NBEA: variants seen among roughly 807,000 people sequenced by gnomAD.
The protein encoded by NBEA is lysosomal-trafficking regulator 2.
In NBEA, 44 loss-of-function variants were observed where a neutral mutation model predicts 343.4. The ratio of observed to expected loss-of-function variants is 0.13; its 90% CI spans 0.10 to 0.16. The LOEUF is 0.16. Ranked by LOEUF, NBEA falls within the 10% of genes least tolerant of loss-of-function variation. NBEA has a pLI of 1.00. For missense variants in NBEA, 2,555 were observed against 3,631.3 expected (o/e 0.70, Z 7.62); for synonymous variants, 1,175 against 1,238.7 (o/e 0.95, Z 1.08).
chr13:35,238,482 G>A (rs1424025311), intron 34 of NBEA, among the ~76,000 whole-genome samples: 1 of 152,142 alleles, frequency 6.6e-6, no homozygotes, highest in Non-Finnish European at 1.5e-5. Flanking sequence ...ACATCTCTTA[G>A]CATAGCACCT....
intron 40 of NBEA, among the ~76,000 whole-genome samples, chr13:35,456,372 A>G (rs954018006): frequency 7.9e-5 from 12 of 152,090 alleles, no homozygotes; most frequent in Non-Finnish European, 2.9e-5. Context: ...ATTATAATAT[A>G]GAAGTATGCC....
intron 41 of NBEA, chr13:35,475,389 G>A (rs2075818271): frequency 1.9e-6 from 3 of 1,613,758 alleles, no homozygotes; most frequent in South Asian, 2.2e-5. Flanking sequence ...GGATGGAGAG[G>A]CACTTCTTTC....
chr13:34,946,230 A>C (rs1037137335), intron 1 of NBEA, among the ~76,000 whole-genome samples: 1 of 152,160 alleles, frequency 6.6e-6, no homozygotes, highest in Non-Finnish European at 1.5e-5. Context: ...GGAATTATTT[A>C]AAGTGGCAAT....
At chr13:35,315,672 G>C (rs1435066047) in intron 36 of NBEA, among the ~76,000 whole-genome samples, 2 of 152,072 alleles carry the variant, frequency 1.3e-5, no homozygotes, top group African/African-American at 4.8e-5. Context: ...CTGAATTTAA[G>C]CTAGAGCTCT....
intron 46 of NBEA, among the ~76,000 whole-genome samples, chr13:35,588,024 C>T (rs1227497957): frequency 6.6e-6 from 1 of 151,942 alleles, no homozygotes; most frequent in East Asian, 1.9e-4. Flanking sequence ...AAAATGTTAT[C>T]ATTTAAACAT....
chr13:35,281,955 C>T lies in NBEA; in HGVS notation c.5777-8434C>T, dbSNP rs571210521. Among the ~76,000 whole-genome samples, 147 of 152,120 alleles carry T rather than the reference C, an allele frequency of 9.7e-4. 1 individual carries two copies. The highest frequency in any genetic ancestry group is 6.8e-3 in the Middle Eastern group (2 of 294). ...TGAGACGGAGTCTTACTCTGTCACC[C>T]AGGCTGGAGTGCAGTGGCCCAGTCT... On this transcript the variant is annotated intron_variant, in intron 34 of 58. Coordinates refer to ENST00000379939, the MANE Select transcript of NBEA (RefSeq NM_001385012.1).
At chr13:35,395,486 A>C (rs1487842800) in intron 38 of NBEA, among the ~76,000 whole-genome samples, 3 of 152,034 alleles carry the variant, frequency 2.0e-5, no homozygotes, top group Non-Finnish European at 4.4e-5. Context: ...TATTTCCTAT[A>C]TAGCCTACAG....
intron 1 of NBEA, among the ~76,000 whole-genome samples, chr13:34,953,055 A>G (rs771384939): frequency 2.6e-5 from 4 of 152,130 alleles, no homozygotes; most frequent in Non-Finnish European, 5.9e-5. Flanking sequence ...TACCTTTGAT[A>G]ATGATGATGA....
chr13:35,137,733 A>C (rs1034232813), intron 17 of NBEA, among the ~76,000 whole-genome samples: 3 of 152,004 alleles, frequency 2.0e-5, no homozygotes, highest in African/African-American at 7.2e-5. Context: ...TAAGTCTTGT[A>C]CTTTCTGTTT....
intron 41 of NBEA, among the ~76,000 whole-genome samples, chr13:35,501,190 C>A (rs969145112): frequency 6.6e-6 from 1 of 152,058 alleles, no homozygotes; most frequent in African/African-American, 2.4e-5. Flanking sequence ...CTTTCAAAAG[C>A]TTTTCAGAAT....
intron 52 of NBEA, among the ~76,000 whole-genome samples, chr13:35,650,480 T>G (rs2084463159): frequency 6.6e-6 from 1 of 152,162 alleles, no homozygotes; most frequent in African/African-American, 2.4e-5. Context: ...GGCAAACATT[T>G]AGACATATTG....
intron 34 of NBEA, among the ~76,000 whole-genome samples, chr13:35,275,045 C>A (rs1249781125): frequency 2.0e-5 from 3 of 152,138 alleles, no homozygotes; most frequent in African/African-American, 7.2e-5. Context: ...TCCTGCATAG[C>A]CAAGACAATC....
intron 34 of NBEA, among the ~76,000 whole-genome samples, chr13:35,265,603 A>C (rs1395864284): frequency 1.3e-5 from 2 of 151,880 alleles, no homozygotes; most frequent in Non-Finnish European, 3.0e-5. Context: ...GCCTAAAAAC[A>C]GTGGAGGTAG....
chr13:35,275,624 C>G (rs937424939), intron 34 of NBEA, among the ~76,000 whole-genome samples: 31 of 152,258 alleles, frequency 2.0e-4, no homozygotes, highest in African/African-American at 7.5e-4. Context: ...GGGCTAATAT[C>G]CAGAATCTAC....
intron 50 of NBEA, among the ~76,000 whole-genome samples, 154 bp from the exon 51 acceptor site, chr13:35,646,105 T>G (rs2153076553): frequency 6.6e-6 from 1 of 152,322 alleles, no homozygotes; most frequent in South Asian, 2.1e-4. Context: ...ATACTAACAC[T>G]TGGATGATTC....
intron 34 of NBEA, among the ~76,000 whole-genome samples, chr13:35,250,634 A>C (rs557463797): frequency 1.3e-5 from 2 of 152,216 alleles, no homozygotes; most frequent in Non-Finnish European, 2.9e-5. Context: ...GTAAATGTAC[A>C]TTGACTCAGC....
At chr13:35,456,990 A>C (rs985940584) in intron 40 of NBEA, among the ~76,000 whole-genome samples, 1 of 148,928 alleles carries the variant, frequency 6.7e-6, no homozygotes, top group Non-Finnish European at 1.5e-5. Context: ...TAGTTTATAT[A>C]TATATAGATA....
intron 6 of NBEA, among the ~76,000 whole-genome samples, chr13:35,054,014 G>A (rs960229544): frequency 6.6e-6 from 1 of 151,998 alleles, no homozygotes; most frequent in Admixed American, 6.6e-5. Flanking sequence ...ATCTGGAGTA[G>A]TAAGAACTCA....
At chr13:35,223,827 G>A (rs1178710993) in intron 33 of NBEA, among the ~76,000 whole-genome samples, 1 of 152,122 alleles carries the variant, frequency 6.6e-6, no homozygotes, top group Non-Finnish European at 1.5e-5. Flanking sequence ...CAGTTCTGTA[G>A]GTTAAGAGTC....
Sources: allele counts gnomAD v4.1 joint callset (sites outside exome capture counted in the v4.1 genomes callset), GRCh38; gene constraint gnomAD v4.1.1; transcripts MANE v1.5; gene names NCBI Gene and HGNC (gene_info 2026-07-23, HGNC 2026-07-21).